Variants in HARBI1 observed in about 807,000 individuals in gnomAD.
The protein encoded by HARBI1 is putative nuclease HARBI1.
Under a neutral mutation model 25.3 loss-of-function variants are expected in HARBI1, and 15 were observed. The observed-to-expected ratio is 0.59, with a 90% confidence interval of 0.40 to 0.91. The LOEUF (loss-of-function observed/expected upper bound fraction) is 0.91, where lower values mean the gene tolerates loss of function less well. Among genes scored for constraint, HARBI1 ranks in the 40% least tolerant of loss-of-function variants. HARBI1 has a pLI of 0.00. For missense variants in HARBI1, 396 were observed against 445.8 expected (o/e 0.89, Z 1.01); for synonymous variants, 168 against 160.5 (o/e 1.05, Z -0.35).
chr11:46,605,166 C>G (rs1475769777), intron 2 of HARBI1, among the ~76,000 whole-genome samples: 1 of 152,186 alleles, frequency 6.6e-6, no homozygotes, highest in Non-Finnish European at 1.5e-5. Flanking sequence ...ACTGTTCAGA[C>G]AGTGGTAGGC....
rs909329739 is a variant in HARBI1 at position 46,615,921 on chromosome 11, T to C, written c.317A>G (p.Asn106Ser). 6.8e-6 allele frequency: 11 copies of C among 1,614,054 alleles called. No individual in the cohort carries two copies. The highest frequency in any genetic ancestry group is 3.3e-5 in the Admixed American group (2 of 59,984). Reference protein sequence around the residue: ...SQASMSRCVANVTEALVERAS... With the variant: ...SQASMSRCVASVTEALVERAS... ...CCTTTCCACAAGTGCTTCAGTGACATTGGCAACACAACGACTCATAGACGC... is the reference window on the plus strand; with the variant it reads ...CCTTTCCACAAGTGCTTCAGTGACACTGGCAACACAACGACTCATAGACGC... Residue 106 changes from asparagine (N) to serine (S), a missense_variant, in exon 2 of 3, where the codon AAT (asparagine) becomes AGT (serine). Coordinates refer to ENST00000326737, the MANE Select transcript of HARBI1 (RefSeq NM_173811.4).
intron 2 of HARBI1, among the ~76,000 whole-genome samples, chr11:46,611,004 C>CTTT (rs1308203480): frequency 7.4e-4 from 79 of 106,974 alleles, no homozygotes; most frequent in East Asian, 2.6e-3. Context: ...TTATTTAACT[C>CTTT]TTTTTTTTTT....
intron 1 of HARBI1, 52 bp from the exon 2 acceptor site, chr11:46,616,433 G>A (rs1294220605): frequency 2.2e-5 from 31 of 1,397,062 alleles, no homozygotes; most frequent in Middle Eastern, 5.3e-4. Flanking sequence ...ACTTTAAAGT[G>A]ACTCAAAGGC....
At chr11:46,617,864 A>G (rs2045782260), upstream of HARBI1, 1 of 399,026 alleles carries the variant, frequency 2.5e-6, no homozygotes, top group East Asian at 3.6e-5. Context: ...AGAGCCCGGA[A>G]CCACTCTTTG....
At position 46,603,591 on chromosome 11, in the gene HARBI1, T is replaced by C. The variant is rs752452401; in HGVS notation, c.989A>G (p.Glu330Gly). The C allele has an allele frequency of 7.4e-6, 12 of 1,613,998 alleles. No individual in the cohort carries two copies. Among genetic ancestry groups the C allele is most frequent in the Non-Finnish European group, 1.0e-5 (12 of 1,179,908 alleles). The change falls in exon 3 of 3, where the codon GAG (glutamate) becomes GGG (glycine). Residue 330 changes from glutamate to glycine, a missense_variant. Transcript: ENST00000326737. ...QPPEEEYEHMESLDLEADRIR... is the reference protein window; with the variant it reads ...QPPEEEYEHMGSLDLEADRIR... ...ACGGTCAGCCTCTAAGTCCAGGGACTCCATGTGCTCATACTCCTCTTCCGG... is the reference window on the plus strand; with the variant it reads ...ACGGTCAGCCTCTAAGTCCAGGGACCCCATGTGCTCATACTCCTCTTCCGG...
At chr11:46,608,796 G>A (rs1015321010) in intron 2 of HARBI1, among the ~76,000 whole-genome samples, 1 of 151,044 alleles carries the variant, frequency 6.6e-6, no homozygotes, top group Non-Finnish European at 1.5e-5. Flanking sequence ...TGTATTTTTA[G>A]TAGAGACAGG....
chr11:46,603,455 G>C lies in HARBI1; in HGVS notation c.*75C>G, dbSNP rs1366420629. ...GTATACTCAGTCATGCTAGATGATGGAACTGTGTAAAAGGTGATGAGGAGG... is the reference window on the plus strand; with the variant it reads ...GTATACTCAGTCATGCTAGATGATGCAACTGTGTAAAAGGTGATGAGGAGG... On this transcript the variant is annotated 3_prime_UTR_variant, in exon 3 of 3. Coordinates refer to ENST00000326737, the MANE Select transcript of HARBI1 (RefSeq NM_173811.4). The C allele has an allele frequency of 8.0e-7, 1 of 1,256,152 alleles. No individual in the cohort carries two copies. The highest frequency in any genetic ancestry group is 2.3e-5 in the East Asian group (1 of 42,656). 77.8% of individuals were successfully genotyped at this position (1,256,152 alleles called of 1,614,324 possible).
rs1348850021 is a variant in HARBI1 at position 46,617,151 on chromosome 11, AC to A, written c.-173del. ...CTCCGCGGCTGCCAGGTTACCAGCC[AC>A]ACTTCCCACCCACCCAGCCGGGTTG... On this transcript the variant is annotated 5_prime_UTR_variant, in exon 1 of 3. Coordinates refer to ENST00000326737, the MANE Select transcript of HARBI1 (RefSeq NM_173811.4). 5 of 290,212 alleles carry A rather than the reference AC, an allele frequency of 1.7e-5. No individual in the cohort carries two copies. The highest frequency in any genetic ancestry group is 2.6e-5 in the Non-Finnish European group (5 of 194,524). 18.0% of individuals were successfully genotyped at this position (290,212 alleles called of 1,614,324 possible).
chr11:46,617,873 T>C (rs1034759887), upstream of HARBI1: 52 of 399,008 alleles, frequency 1.3e-4, no homozygotes, highest in Non-Finnish European at 2.1e-4. Context: ...AACCACTCTT[T>C]GTGCCGCAGC....
chr11:46,617,641 T>C (rs923746745), upstream of HARBI1: 26 of 315,012 alleles, frequency 8.3e-5, no homozygotes, highest in Admixed American at 7.1e-4. Context: ...GAGTGACCGC[T>C]TAACCAGTGA....
chr11:46,603,915 G>T lies in HARBI1; in HGVS notation c.671-6C>A, dbSNP rs1280539982. 6.3e-7 allele frequency: 1 copy of T among 1,599,814 alleles called. No homozygotes were observed. Among genetic ancestry groups the T allele is most frequent in the Non-Finnish European group, 8.5e-7 (1 of 1,172,846 alleles). On this transcript the variant is annotated splice_region_variant and splice_polypyrimidine_tract_variant and intron_variant, in intron 2 of 2. Coordinates refer to ENST00000326737, the MANE Select transcript of HARBI1 (RefSeq NM_173811.4). ...AAGAAAGAAGGAACTGTCACCTGTGGGGAAGGCCCAAATAAATCATAAATG... is the reference window on the plus strand; with the variant it reads ...AAGAAAGAAGGAACTGTCACCTGTGTGGAAGGCCCAAATAAATCATAAATG...
At chr11:46,616,971 C>A (rs1421244715) in intron 1 of HARBI1, 153 bp downstream of exon 1, 1 of 984,470 alleles carries the variant, frequency 1.0e-6, no homozygotes, top group Non-Finnish European at 1.2e-6. Context: ...CCAGGAAGTA[C>A]GGAAGACCAG....
chr11:46,611,002 CTCT>C (rs1256165995), intron 2 of HARBI1, among the ~76,000 whole-genome samples: 5 of 140,820 alleles, frequency 3.6e-5, no homozygotes, highest in South Asian at 2.2e-4. Context: ...TATTATTTAA[CTCT>C]TTTTTTTTTT....
intron 2 of HARBI1, among the ~76,000 whole-genome samples, chr11:46,606,295 T>C (rs2044946791): frequency 6.6e-6 from 1 of 152,020 alleles, no homozygotes; most frequent in Non-Finnish European, 1.5e-5. Flanking sequence ...ACACCTACTA[T>C]GTAGCATGTA....
At chr11:46,616,967 A>G in intron 1 of HARBI1, 157 bp downstream of exon 1, 1 of 985,326 alleles carries the variant, frequency 1.0e-6, no homozygotes, top group Non-Finnish European at 1.2e-6. Flanking sequence ...AGGGCCAGGA[A>G]GTACGGAAGA....
intron 2 of HARBI1, among the ~76,000 whole-genome samples, chr11:46,614,024 A>C (rs1467681374): frequency 6.6e-6 from 1 of 152,072 alleles, no homozygotes; most frequent in African/African-American, 2.4e-5. Flanking sequence ...TTGCAATAAA[A>C]ATTCTTGTAT....
intron 1 of HARBI1, 165 bp downstream of exon 1, chr11:46,616,959 G>A (rs2045573049): frequency 2.0e-6 from 2 of 985,020 alleles, no homozygotes; most frequent in Admixed American, 6.2e-5. Context: ...TGAACCTGAG[G>A]GCCAGGAAGT....
At position 46,615,975 on chromosome 11, in the gene HARBI1, C is replaced by A. The variant is rs553116745; in HGVS notation, c.263G>T (p.Arg88Leu). ...ACTGATTCCAATGGCATCTCCCATC[C>A]GAGTCTGGAAGGAACCTGAGGTATA... Reference protein sequence around the residue: ...GFYTSGSFQTRMGDAIGISQA... With the variant: ...GFYTSGSFQTLMGDAIGISQA... Residue 88 changes from arginine (R) to leucine (L), a missense_variant, in exon 2 of 3, where the codon CGG becomes CTG. Coordinates refer to ENST00000326737, the MANE Select transcript of HARBI1 (RefSeq NM_173811.4). 6.2e-7 allele frequency: 1 copy of A among 1,614,150 alleles called. No individual in the cohort carries two copies. Among genetic ancestry groups the A allele is most frequent in the Non-Finnish European group, 8.5e-7 (1 of 1,180,038 alleles).
chr11:46,605,928 C>T (rs1248327988), intron 2 of HARBI1, among the ~76,000 whole-genome samples: 1 of 151,920 alleles, frequency 6.6e-6, no homozygotes, highest in African/African-American at 2.4e-5. Flanking sequence ...TCACTCTGCC[C>T]AGGCTGAAGT....
Sources: allele counts gnomAD v4.1 joint callset (sites outside exome capture counted in the v4.1 genomes callset), GRCh38; gene constraint gnomAD v4.1.1; transcripts MANE v1.5; gene names NCBI Gene and HGNC (gene_info 2026-07-23, HGNC 2026-07-21).